EWSR1: variants seen among roughly 807,000 people sequenced by gnomAD.
The protein encoded by EWSR1 is EWS RNA binding protein 1, also known as RNA-binding protein EWS.
EWSR1 carries 14 observed loss-of-function variants against 92.1 expected under a neutral mutation model. The ratio of observed to expected loss-of-function variants is 0.15; its 90% CI spans 0.10 to 0.24. EWSR1 has a LOEUF of 0.24. EWSR1 is among the 10% of genes least tolerant of loss of function. The pLI is 1.00. For missense variants in EWSR1, 637 were observed against 870.9 expected, an observed-to-expected ratio of 0.73 and a Z score of 3.38; for synonymous variants, 303 against 292.9, an observed-to-expected ratio of 1.03 and a Z score of -0.35.
chr22:29,273,374 C>G (rs185956411), intron 3 of EWSR1, among the ~76,000 whole-genome samples: 231 of 152,336 alleles, frequency 1.5e-3, no homozygotes, highest in African/African-American at 5.3e-3. Flanking sequence ...ACGCTAAGTG[C>G]TAGCAGTTAA....
At chr22:29,297,362 T>C (rs958007965) in intron 12 of EWSR1, among the ~76,000 whole-genome samples, 46 of 151,980 alleles carry the variant, frequency 3.0e-4, no homozygotes, top group African/African-American at 1.1e-3. Context: ...ACCATGTTGG[T>C]CAGGCTGTAG....
chr22:29,273,308 G>A (rs2058831182), intron 3 of EWSR1, among the ~76,000 whole-genome samples: 1 of 152,136 alleles, frequency 6.6e-6, no homozygotes, highest in African/African-American at 2.4e-5. Context: ...CCTCTTCATT[G>A]CTTTCTCTGT....
rs1335314424 is a variant in EWSR1 at position 29,282,564 on chromosome 22, C to G, written c.581+7C>G. 1 of 1,498,518 alleles carries G rather than the reference C, an allele frequency of 6.7e-7. No homozygotes were observed. The highest frequency in any genetic ancestry group is 8.9e-7 in the Non-Finnish European group (1 of 1,128,470). The allele number at this position is 1,498,518 out of a possible 1,614,324, so 92.8% of individuals were successfully genotyped here. On this transcript the variant is annotated splice_region_variant and intron_variant, in intron 6 of 16. Transcript: ENST00000397938. ...CATCCTACCCTCCTACCAGGTCAGT[C>G]TACTTTTTGTGGCAAAACAAAAACA... is the stretch of plus-strand genomic sequence containing the variant.
intron 1 of EWSR1, among the ~76,000 whole-genome samples, chr22:29,271,766 A>G (rs2058699488): frequency 2.6e-5 from 4 of 152,150 alleles, no homozygotes; most frequent in Admixed American, 1.3e-4. Context: ...GTGAAAACTA[A>G]TTTTTGAGGA....
At chr22:29,274,080 A>G (rs2058909701) in intron 4 of EWSR1, among the ~76,000 whole-genome samples, 1 of 152,248 alleles carries the variant, frequency 6.6e-6, no homozygotes, top group African/African-American at 2.4e-5. Flanking sequence ...CCAAGAGAGA[A>G]AAGAACTTTT....
intron 10 of EWSR1, 32 bp downstream of exon 10, chr22:29,292,201 G>A (rs771651303): frequency 3.2e-5 from 52 of 1,607,764 alleles, no homozygotes; most frequent in South Asian, 2.0e-4. Context: ...GCTTCATATC[G>A]TGCTTTGTAA....
chr22:29,298,783 C>T lies in EWSR1; in HGVS notation c.1468C>T (p.Arg490Cys), dbSNP rs772003903. 24 of 1,613,292 alleles carry T rather than the reference C, an allele frequency of 1.5e-5. No individual in the cohort carries two copies. The highest frequency in any genetic ancestry group is 1.8e-5 in the Non-Finnish European group (21 of 1,179,796). The change falls in exon 14 of 17, where the codon CGT becomes TGT. Residue 490 changes from arginine (R) to cysteine (C), a missense_variant. This residue lies in a region of EWSR1 where 363 missense variants were observed against 447.8 expected (regional missense o/e 0.81). Transcript: ENST00000397938. ...GGGACCCATGGGTCGCATGGGAGGC[C>T]GTGGAGGAGATAGAGGAGGCTTCCC... is the stretch of plus-strand genomic sequence containing the variant. The part of the protein sequence containing the change: ...PGGPMGRMGG[R>C]GGDRGGFPPR...
At chr22:29,273,991 A>T (rs55718707) in intron 4 of EWSR1, 127 bp downstream of exon 4, 21,129 of 1,241,434 alleles carry the variant, frequency 0.017, 214 homozygotes, top group Non-Finnish European at 0.02. Context: ...CTTTATTCTT[A>T]GGAAGAGGTA....
At chr22:29,293,045 C>T (rs777116203) in intron 11 of EWSR1, among the ~76,000 whole-genome samples, 1 of 152,126 alleles carries the variant, frequency 6.6e-6, no homozygotes, top group Non-Finnish European at 1.5e-5. Context: ...ATCCCCTACG[C>T]CCGGCCTTCC....
At chr22:29,288,530 GTGA>G in intron 7 of EWSR1, 73 bp from the exon 8 acceptor site, 3 of 1,418,090 alleles carry the variant, frequency 2.1e-6, no homozygotes, top group South Asian at 2.8e-5. Flanking sequence ...TGAGGATTTT[GTGA>G]TTCCAGGAGA....
chr22:29,299,480 T>G, intron 15 of EWSR1, 119 bp from the exon 16 acceptor site: 1 of 1,488,374 alleles, frequency 6.7e-7, no homozygotes, highest in South Asian at 1.4e-5. Flanking sequence ...GATGCCGAGA[T>G]TGAGTGAAGT....
At chr22:29,285,088 G>C (rs1569085191) in intron 6 of EWSR1, among the ~76,000 whole-genome samples, 2 of 150,026 alleles carry the variant, frequency 1.3e-5, no homozygotes, top group South Asian at 2.1e-4. Context: ...CAAAGTGCTG[G>C]GATTACAGGT....
At position 29,299,909 on chromosome 22, in the gene EWSR1, C is replaced by CCCAGCTTG. The variant is rs1410034788; in HGVS notation, c.1931+59_1931+66dup. The CCCAGCTTG allele has an allele frequency of 9.8e-6, 15 of 1,532,502 alleles. No homozygotes were observed. The African/African-American group carries it at 2.1e-4, about 21-fold the overall frequency. The allele number at this position is 1,532,502 out of a possible 1,614,324, so 94.9% of individuals were successfully genotyped here. ...CAGGCACAGTAAGAGGACAGCCCTTCCCAGCTTGGTTGGCGCAAGTCCTCA... is the reference window on the plus strand; with the variant it reads ...CAGGCACAGTAAGAGGACAGCCCTTCCCAGCTTGCCAGCTTGGTTGGCGCAAGTCCTCA... On this transcript the variant is annotated intron_variant, in intron 16 of 16. Coordinates refer to ENST00000397938, the MANE Select transcript of EWSR1 (RefSeq NM_005243.4).
chr22:29,272,444 A>G lies in EWSR1; in HGVS notation c.102+13A>G, dbSNP rs201834106. The G allele has an allele frequency of 2.0e-3, 3,105 of 1,588,078 alleles. 3 individuals are homozygous for G. The highest frequency in any genetic ancestry group is 2.4e-3 in the Non-Finnish European group (2,821 of 1,159,622). On this transcript the variant is annotated intron_variant, in intron 3 of 16. Coordinates refer to ENST00000397938, the MANE Select transcript of EWSR1 (RefSeq NM_005243.4). The stretch of plus-strand genomic sequence containing the variant: ...ACAGACCACCCAGGTAATCTTTAAA[A>G]TAATTACATGTAGCTGCACCTCCAA...
intron 4 of EWSR1, 149 bp from the exon 5 acceptor site, chr22:29,277,877 AGTTT>A (rs1350728082): frequency 1.6e-6 from 1 of 638,214 alleles, no homozygotes; most frequent in Non-Finnish European, 2.6e-6. Context: ...TTTAAATACC[AGTTT>A]GTTGCTACTC....
In EWSR1 at chr22:29,299,843, A is replaced by G; in HGVS notation, c.1923A>G (p.Lys641=). 6.5e-7 allele frequency: 1 copy of G among 1,544,944 alleles called. No homozygotes were observed. Among genetic ancestry groups the G allele is most frequent in the Non-Finnish European group, 8.7e-7 (1 of 1,143,448 alleles). ...GRRGGRGGPG[K]MDKGEHRQER... ...GAGGAGGACGTGGAGGACCTGGAAA[A>G]ATGGATAAGTAAGTGCTGGTGAAAA... Residue 641 remains lysine, a synonymous_variant, in exon 16 of 17, where the codon AAA becomes AAG. Coordinates refer to ENST00000397938, the MANE Select transcript of EWSR1 (RefSeq NM_005243.4).
chr22:29,299,105 C>A, intron 14 of EWSR1, 129 bp from the exon 15 acceptor site: 1 of 1,548,324 alleles, frequency 6.5e-7, no homozygotes, highest in Non-Finnish European at 8.8e-7. Flanking sequence ...CTGCCTGAGG[C>A]TGTGCCCTAA....
At position 29,268,356 on chromosome 22, in the gene EWSR1, A is replaced by G. The variant is rs1463318356; in HGVS notation, c.13+7A>G. On this transcript the variant is annotated splice_region_variant and intron_variant, in intron 1 of 16. Transcript: ENST00000397938. ...GAGAAAATGGCGTCCACGGGTGAGT[A>G]TGGTGGAACTGCGGTCGCGCCGGCG... The G allele has an allele frequency of 6.2e-6, 10 of 1,613,998 alleles. No individual in the cohort carries two copies. The East Asian group carries it at 6.7e-5, about 11-fold the overall frequency.
chr22:29,275,614 G>A, intron 4 of EWSR1: 1 of 229,564 alleles, frequency 4.4e-6, no homozygotes, highest in Non-Finnish European at 8.6e-6. Flanking sequence ...GAGCCTAATT[G>A]GTAGTGCGTG....
Sources: allele counts gnomAD v4.1 joint callset (sites outside exome capture counted in the v4.1 genomes callset), GRCh38; gene constraint gnomAD v4.1.1; regional missense constraint gnomAD v4.1.1; transcripts MANE v1.5; gene names NCBI Gene and HGNC (gene_info 2026-07-23, HGNC 2026-07-21).